ANKRD30B: variants seen among roughly 807,000 people sequenced by gnomAD.
The protein encoded by ANKRD30B is ankyrin repeat domain 30B, also known as ankyrin repeat domain-containing protein 30B.
Under a neutral mutation model 202.2 loss-of-function variants are expected in ANKRD30B, and 144 were observed. The observed-to-expected ratio is 0.71, with a 90% confidence interval of 0.62 to 0.82. ANKRD30B has a LOEUF of 0.82. Among genes scored for constraint, ANKRD30B ranks in the 40% least tolerant of loss-of-function variants. The probability of loss-of-function intolerance (pLI) is 0.00; values close to 1 mark genes in which losing one functional copy is unlikely to be tolerated. For synonymous variants in ANKRD30B, 508 were observed against 561.3 expected (o/e 0.91, Z 1.34); for missense variants, 1,487 against 1,669.1 (o/e 0.89, Z 1.90).
At chr18:14,917,544 A>G in the ANKRD30B span, among the ~76,000 whole-genome samples, 2 of 152,170 alleles carry the variant, frequency 1.3e-5, no homozygotes, top group Non-Finnish European at 2.9e-5. Context: ...GAGTCACCAG[A>G]CTGTCCTGGT....
the ANKRD30B span, among the ~76,000 whole-genome samples, chr18:14,881,364 G>C: frequency 6.6e-6 from 1 of 151,826 alleles, no homozygotes. Flanking sequence ...TTTTAATTCT[G>C]TTTATTTGGT....
intron 24 of ANKRD30B, among the ~76,000 whole-genome samples, chr18:14,806,230 GAA>G (rs199824965): frequency 3.5e-5 from 5 of 144,646 alleles, no homozygotes; most frequent in Admixed American, 3.4e-4. Flanking sequence ...AAAAAAAAAA[GAA>G]AAAAAAAATC....
the ANKRD30B span, among the ~76,000 whole-genome samples, chr18:14,908,974 G>A: frequency 6.6e-6 from 1 of 152,216 alleles, no homozygotes; most frequent in Non-Finnish European, 1.5e-5. Flanking sequence ...CAATGGCCAA[G>A]AAGGGCTGGG....
chr18:14,778,006 C>G lies in ANKRD30B; in HGVS notation c.1351C>G (p.Gln451Glu). 1 of 1,547,242 alleles carries G rather than the reference C, an allele frequency of 6.5e-7. No homozygotes were observed. The change falls in exon 10 of 44, where the codon CAG (glutamine) becomes GAG (glutamate). Residue 451 changes from glutamine (Q) to glutamate (E), a missense_variant. Physicochemically the swap from Gln to Glu is conservative, Grantham distance 29. Around this residue, in one of 6 missense-constraint regions of ANKRD30B, gnomAD observed 889 missense variants for 841.4 expected, o/e 1.06. Coordinates refer to ENST00000690538, the MANE Select transcript of ANKRD30B (RefSeq NM_001367607.2). ...ATKIISKSAA[Q>E]NYTCLPDATY... The stretch of plus-strand genomic sequence containing the variant: ...ACAGATTATCTCTAAGAGTGCTGCA[C>G]AGAATTATACGTGTTTACCTGATGC...
chr18:14,917,623 T>A, the ANKRD30B span, among the ~76,000 whole-genome samples: 1 of 152,194 alleles, frequency 6.6e-6, no homozygotes, highest in South Asian at 2.1e-4. Context: ...GTTTCACACA[T>A]CAGAATCCCT....
the ANKRD30B span, among the ~76,000 whole-genome samples, chr18:14,884,802 C>T: frequency 7.8e-4 from 118 of 152,152 alleles, no homozygotes; most frequent in African/African-American, 2.8e-3. Flanking sequence ...CAAGTCTTTT[C>T]AACTCAAGAG....
chr18:14,794,263 G>C (rs1192874337), intron 16 of ANKRD30B, among the ~76,000 whole-genome samples: 1 of 151,696 alleles, frequency 6.6e-6, no homozygotes, highest in African/African-American at 2.4e-5. Context: ...GGGATAATCA[G>C]ATCACATTTT....
At chr18:14,834,177 A>G (rs1180839114) in intron 34 of ANKRD30B, among the ~76,000 whole-genome samples, 10 of 152,160 alleles carry the variant, frequency 6.6e-5, no homozygotes, top group African/African-American at 2.4e-5. Flanking sequence ...ACATTTTTCC[A>G]TACAAGAGGT....
At chr18:14,772,848 G>A (rs957236014) in intron 9 of ANKRD30B, among the ~76,000 whole-genome samples, 11 of 151,808 alleles carry the variant, frequency 7.2e-5, no homozygotes, top group African/African-American at 2.7e-4. Context: ...TGGGCATGGT[G>A]GTGCATGCCT....
chr18:14,928,341 T>C, the ANKRD30B span, among the ~76,000 whole-genome samples: 2 of 152,136 alleles, frequency 1.3e-5, no homozygotes, highest in Admixed American at 6.5e-5. Context: ...TTAAACATAT[T>C]TCTGGATGAA....
At chr18:14,855,011 G>A (rs2487187), downstream of ANKRD30B, among the ~76,000 whole-genome samples, 20 of 151,748 alleles carry the variant, frequency 1.3e-4, no homozygotes, top group South Asian at 2.1e-4. Flanking sequence ...AGATAAACAC[G>A]TGAACAAAGG....
chr18:14,937,997 C>T, the ANKRD30B span, among the ~76,000 whole-genome samples: 2 of 152,164 alleles, frequency 1.3e-5, no homozygotes, highest in African/African-American at 4.8e-5. Flanking sequence ...GCAATCCAAC[C>T]GCTGCTCCTA....
the ANKRD30B span, among the ~76,000 whole-genome samples, chr18:14,927,587 G>A: frequency 1.8e-4 from 27 of 152,314 alleles, no homozygotes; most frequent in East Asian, 1.7e-3. Context: ...TGCAGATGAA[G>A]CAAAGCCTAT....
chr18:14,851,502 T>G lies in ANKRD30B; in HGVS notation c.3565-7T>G. Reference sequence around the variant, plus strand: ...TGCTAGTTAAATTTTTATTTTGTTTTATTTAGGTTTCTCACACTCATGAAA... The same window carrying G: ...TGCTAGTTAAATTTTTATTTTGTTTGATTTAGGTTTCTCACACTCATGAAA... On this transcript the variant is annotated splice_region_variant and splice_polypyrimidine_tract_variant and intron_variant, in intron 41 of 43. Coordinates refer to ENST00000690538, the MANE Select transcript of ANKRD30B (RefSeq NM_001367607.2). The G allele has an allele frequency of 6.6e-7, 1 of 1,504,970 alleles. No homozygotes were observed. Among genetic ancestry groups the G allele is most frequent in the Non-Finnish European group, 8.9e-7 (1 of 1,129,634 alleles). The allele number at this position is 1,504,970 out of a possible 1,614,324, so 93.2% of individuals were successfully genotyped here. A position where few individuals can be genotyped will look rare whatever the true frequency, so the allele number is the denominator to read the frequency against.
rs1341100529 is a variant in ANKRD30B at position 14,831,287 on chromosome 18, T to C, written c.2775-96T>C. 9 of 785,808 alleles carry C rather than the reference T, an allele frequency of 1.1e-5. No individual in the cohort carries two copies. The East Asian group carries it at 2.0e-4, about 17-fold the overall frequency. The allele number at this position is 785,808 out of a possible 1,614,324, so 48.7% of individuals were successfully genotyped here. A position where few individuals can be genotyped will look rare whatever the true frequency, so the allele number is the denominator to read the frequency against. ...ATCTTTCCCCAGATTTTGTTTTTTG[T>C]TCTCATTTTTTGGAGTGAGCACTAA... On this transcript the variant is annotated intron_variant, in intron 33 of 43. Coordinates refer to ENST00000690538, the MANE Select transcript of ANKRD30B (RefSeq NM_001367607.2).
Position 14,752,561 on chromosome 18 carries a change from C to T in ANKRD30B, c.222-5C>T, listed in dbSNP as rs751484128. ...CTTTGCCTAAAAGTCCTCTCACTCT[C>T]GTAGGACTGCTCTACACTGGGCCTG... On this transcript the variant is annotated splice_region_variant and splice_polypyrimidine_tract_variant and intron_variant, in intron 1 of 43. Coordinates refer to ENST00000690538, the MANE Select transcript of ANKRD30B (RefSeq NM_001367607.2). 4.4e-5 allele frequency: 71 copies of T among 1,607,876 alleles called. No homozygotes were observed. The highest frequency in any genetic ancestry group is 1.7e-4 in the Middle Eastern group (1 of 6,052).
chr18:14,769,194 C>T, intron 7 of ANKRD30B, 149 bp from the exon 8 acceptor site: 1 of 541,340 alleles, frequency 1.8e-6, no homozygotes, highest in Non-Finnish European at 3.3e-6. Context: ...CTTTCAGACT[C>T]CTGGGCTCCT....
chr18:14,850,446 A>G (rs760419050), intron 41 of ANKRD30B, 64 bp downstream of exon 41: 45 of 1,389,222 alleles, frequency 3.2e-5, no homozygotes, highest in Non-Finnish European at 4.1e-5. Flanking sequence ...TACTTTTAAC[A>G]TCCCTTTGAT....
chr18:14,864,362 C>T, the ANKRD30B span, among the ~76,000 whole-genome samples: 1 of 151,730 alleles, frequency 6.6e-6, no homozygotes, highest in African/African-American at 2.4e-5. Context: ...CAAACCAAAC[C>T]AAAACAAAAA....
Sources: gnomAD v4.1 joint callset for allele counts (sites outside exome capture counted in the v4.1 genomes callset) on GRCh38, gnomAD v4.1.1 for gene constraint, gnomAD v4.1.1 regional missense constraint, MANE v1.5 for transcripts, NCBI Gene and HGNC (gene_info 2026-07-23, HGNC 2026-07-21) for gene names.